Variants in CTNNA3 observed in about 807,000 individuals in gnomAD.
CTNNA3 encodes catenin alpha-3.
A neutral mutation model predicts 95.7 loss-of-function variants in CTNNA3; 76 were observed. The observed-to-expected ratio is 0.79, with a 90% CI of 0.66 to 0.96. The LOEUF is 0.96. CTNNA3 is among the 40% of genes least tolerant of loss of function. CTNNA3 has a pLI of 0.00. For missense variants in CTNNA3, 1,191 were observed against 1,089.8 expected (o/e 1.09, Z -1.31); for synonymous variants, 431 against 374.4 (o/e 1.15, Z -1.74).
At chr10:67,750,030 A>C (rs1841396735) in intron 1 of CTNNA3, among the ~76,000 whole-genome samples, 1 of 151,996 alleles carries the variant, frequency 6.6e-6, no homozygotes, top group Admixed American at 6.6e-5. Context: ...GAGCTGTAAC[A>C]CTCGCCGTGA....
At chr10:67,716,114 A>G (rs887336038) in intron 1 of CTNNA3, among the ~76,000 whole-genome samples, 1 of 152,198 alleles carries the variant, frequency 6.6e-6, no homozygotes, top group African/African-American at 2.4e-5. Context: ...TTTCATTATT[A>G]AAATCAATTC....
intron 5 of CTNNA3, among the ~76,000 whole-genome samples, chr10:67,375,721 T>C (rs1843662571): frequency 6.6e-6 from 1 of 152,218 alleles, no homozygotes; most frequent in Non-Finnish European, 1.5e-5. Context: ...TCTTCTCTAC[T>C]TCATTGAAGG....
Position 66,965,929 on chromosome 10 carries a change from T to G in CTNNA3, c.1048-190405A>C, listed in dbSNP as rs970844472. Among the ~76,000 whole-genome samples, 22 of 152,198 alleles carry G rather than the reference T, an allele frequency of 1.4e-4. 1 individual carries two copies. Among genetic ancestry groups the G allele is most frequent in the African/African-American group, 4.1e-4 (17 of 41,446 alleles). On this transcript the variant is annotated intron_variant, in intron 7 of 17. Coordinates refer to ENST00000433211, the MANE Select transcript of CTNNA3 (RefSeq NM_013266.4). ...CCTTGGCAATTCCAAAGCCTGTTGT[T>G]TGCTTTGCAAGCACTATATAAGTCT...
chr10:67,227,564 A>G (rs1473616785), intron 5 of CTNNA3, among the ~76,000 whole-genome samples: 1 of 152,220 alleles, frequency 6.6e-6, no homozygotes, highest in Non-Finnish European at 1.5e-5. Flanking sequence ...TTACTAATAG[A>G]TCTACGCAAT....
intron 2 of CTNNA3, among the ~76,000 whole-genome samples, chr10:67,609,199 G>T (rs549923996): frequency 6.6e-6 from 1 of 151,452 alleles, no homozygotes; most frequent in Non-Finnish European, 1.5e-5. Context: ...CCATCGTAGA[G>T]GAATGAGAGA....
At chr10:66,655,048 G>A (rs1325150189) in intron 9 of CTNNA3, among the ~76,000 whole-genome samples, 1 of 151,952 alleles carries the variant, frequency 6.6e-6, no homozygotes, top group Admixed American at 6.6e-5. Flanking sequence ...GGAGTTAATA[G>A]AACTGTATTC....
rs570589838 is a variant in CTNNA3, at chr10:66,617,445, A to G, written c.1374+4247T>C. Among the ~76,000 whole-genome samples, 501 of 152,276 alleles carry G rather than the reference A, an allele frequency of 3.3e-3. 4 individuals carry two copies. The highest frequency in any genetic ancestry group is 0.012 in the African/African-American group (480 of 41,550). On this transcript the variant is annotated intron_variant, in intron 10 of 17. Coordinates refer to ENST00000433211, the MANE Select transcript of CTNNA3 (RefSeq NM_013266.4). Reference sequence around the variant, plus strand: ...AAATGTAATCCAGCATATAAACAGAACCAAAGACAAAAACCACATGATTGT... The same window carrying G: ...AAATGTAATCCAGCATATAAACAGAGCCAAAGACAAAAACCACATGATTGT...
In CTNNA3 at chr10:66,909,590, C is replaced by T. The variant is rs1048722251; in HGVS notation, c.1048-134066G>A. Among the ~76,000 whole-genome samples, 25 of 152,096 alleles carry T rather than the reference C, an allele frequency of 1.6e-4. 1 individual carries two copies. Among genetic ancestry groups the T allele is most frequent in the Admixed American group, 1.5e-3 (23 of 15,262 alleles). ...AATTTCCTTCAGAACAGGAAATTTC[C>T]TCCAACCAATTACTCAGATTGGAAG... On this transcript the variant is annotated intron_variant, in intron 7 of 17. Coordinates refer to ENST00000433211, the MANE Select transcript of CTNNA3 (RefSeq NM_013266.4).
chr10:67,453,432 A>T (rs558363983), intron 5 of CTNNA3, among the ~76,000 whole-genome samples: 1 of 152,126 alleles, frequency 6.6e-6, no homozygotes, highest in East Asian at 1.9e-4. Context: ...TAAGGTACTA[A>T]CTCTGTGGGA....
intron 5 of CTNNA3, among the ~76,000 whole-genome samples, chr10:67,368,204 C>T (rs1435953586): frequency 6.6e-6 from 1 of 152,124 alleles, no homozygotes; most frequent in Non-Finnish European, 1.5e-5. Context: ...AAAGATTGAA[C>T]CTAACAGGCA....
At chr10:67,059,688 A>T (rs1855646408) in intron 7 of CTNNA3, among the ~76,000 whole-genome samples, 2 of 152,164 alleles carry the variant, frequency 1.3e-5, no homozygotes, top group Admixed American at 1.3e-4. Context: ...TTCCCTGAAC[A>T]TCCAAACTTG....
intron 13 of CTNNA3, among the ~76,000 whole-genome samples, chr10:66,127,685 A>C (rs2082889860): frequency 1.3e-5 from 2 of 152,218 alleles, no homozygotes; most frequent in African/African-American, 4.8e-5. Flanking sequence ...TGAACTTAAT[A>C]TTACAATGTG....
Position 66,766,405 on chromosome 10 carries a change from A to C in CTNNA3, c.1140T>G (p.Ala380=). The C allele has an allele frequency of 6.2e-7, 1 of 1,606,578 alleles. No homozygotes were observed. The highest frequency in any genetic ancestry group is 1.1e-5 in the South Asian group (1 of 89,190). The change falls in exon 9 of 18, where the codon GCT becomes GCG. Residue 380 remains alanine, a synonymous_variant. Transcript: ENST00000433211. ...AAGAGTCTGACACATGATCTATAATAGCCTTGCGGAGCTGAGAAGAAATGA... is the reference window on the plus strand; with the variant it reads ...AAGAGTCTGACACATGATCTATAATCGCCTTGCGGAGCTGAGAAGAAATGA... ...TRDLRRQLRK[A]IIDHVSDSFL...
intron 7 of CTNNA3, among the ~76,000 whole-genome samples, chr10:67,114,426 AC>A (rs1859067314): frequency 6.6e-6 from 1 of 152,118 alleles, no homozygotes; most frequent in Non-Finnish European, 1.5e-5. Context: ...CAATATAAAA[AC>A]ATGAGTAAAA....
At chr10:67,645,389 G>A in intron 2 of CTNNA3, among the ~76,000 whole-genome samples, 1 of 152,110 alleles carries the variant, frequency 6.6e-6, no homozygotes, top group East Asian at 1.9e-4. Flanking sequence ...TTTGTGATTA[G>A]CAAGTTTTAA....
chr10:67,285,705 A>G (rs1179017485), intron 5 of CTNNA3, among the ~76,000 whole-genome samples: 1 of 152,240 alleles, frequency 6.6e-6, no homozygotes, highest in Non-Finnish European at 1.5e-5. Flanking sequence ...TACTGACTCA[A>G]TTATTTAAAA....
chr10:66,354,939 G>A (rs2092597382), intron 12 of CTNNA3, among the ~76,000 whole-genome samples: 1 of 152,076 alleles, frequency 6.6e-6, no homozygotes, highest in South Asian at 2.1e-4. Flanking sequence ...GGATCATCAT[G>A]ATCTACACTT....
chr10:66,958,469 T>TA (rs1564794841), intron 7 of CTNNA3, among the ~76,000 whole-genome samples: 4 of 123,568 alleles, frequency 3.2e-5, no homozygotes, highest in South Asian at 5.6e-4. Context: ...GCTTTTTTTT[T>TA]TAAAAAAAAT....
intron 9 of CTNNA3, among the ~76,000 whole-genome samples, chr10:66,649,146 T>G (rs930142508): frequency 6.6e-6 from 1 of 152,100 alleles, no homozygotes; most frequent in African/African-American, 2.4e-5. Context: ...GAACAATACT[T>G]GCAAACATTG....
Sources: allele counts gnomAD v4.1 joint callset (sites outside exome capture counted in the v4.1 genomes callset), GRCh38; gene constraint gnomAD v4.1.1; transcripts MANE v1.5; gene names NCBI Gene and HGNC (gene_info 2026-07-23, HGNC 2026-07-21).